RELB: variants seen among roughly 807,000 people sequenced by gnomAD.
The protein encoded by RELB is RELB proto-oncogene, NF-kB subunit, also known as transcription factor RelB.
RELB carries 14 observed loss-of-function variants against 55.4 expected under a neutral mutation model. The ratio of observed to expected loss-of-function variants is 0.25; its 90% confidence interval spans 0.17 to 0.40. The LOEUF (loss-of-function observed/expected upper bound fraction) is 0.40. Ranked by LOEUF, RELB falls within the 10% of genes least tolerant of loss-of-function variation. RELB has a pLI of 1.00. For synonymous variants in RELB, 409 were observed against 371.3 expected (o/e 1.10, Z -1.17); for missense variants, 669 against 830.7 (o/e 0.81, Z 2.39).
chr19:45,001,729 G>C, intron 1 of RELB, 44 bp downstream of exon 1: 2 of 1,280,828 alleles, frequency 1.6e-6, no homozygotes, highest in South Asian at 2.7e-5. Context: ...GGGCGGGGCT[G>C]GAGATGCGGG....
intron 4 of RELB, among the ~76,000 whole-genome samples, chr19:45,015,212 G>T (rs992453558): frequency 6.6e-6 from 1 of 152,110 alleles, no homozygotes; most frequent in African/African-American, 2.4e-5. Flanking sequence ...TTGGATTCAG[G>T]ATGTTTATCC....
chr19:45,026,522 C>T (rs986954406), intron 7 of RELB, among the ~76,000 whole-genome samples: 2 of 150,892 alleles, frequency 1.3e-5, no homozygotes, highest in Non-Finnish European at 2.9e-5. Context: ...CCAGCCTGGG[C>T]AATGGAGAGG....
rs36088840 is a variant in RELB, at chr19:45,022,774, G to C, written c.662+564G>C. Among the ~76,000 whole-genome samples, 1,440 of 152,058 alleles carry C rather than the reference G, an allele frequency of 9.5e-3. 32 individuals carry two copies. The highest frequency in any genetic ancestry group is 0.032 in the African/African-American group (1,343 of 41,490). On this transcript the variant is annotated intron_variant, in intron 5 of 11. Coordinates refer to ENST00000221452, the MANE Select transcript of RELB (RefSeq NM_006509.4). ...ATGTTGACCAGGCTGGTCTCGAACT[G>C]CTGACCTTAGGTGATCCTCCCAGCT...
chr19:45,032,810 G>A, intron 9 of RELB, 61 bp downstream of exon 9: 1 of 1,398,448 alleles, frequency 7.2e-7, no homozygotes. Flanking sequence ...GCCTTGGGGA[G>A]ACCCCAGTGG....
At chr19:45,007,283 C>T (rs1322094855) in intron 2 of RELB, among the ~76,000 whole-genome samples, 1 of 152,168 alleles carries the variant, frequency 6.6e-6, no homozygotes, top group Non-Finnish European at 1.5e-5. Flanking sequence ...GGAGGCACTG[C>T]TATTTGAGCA....
rs567583811 is a variant in RELB at position 45,024,316 on chromosome 19, C to T, written c.663-1013C>T. 4.0e-5 allele frequency among the ~76,000 whole-genome samples: 6 copies of T among 151,866 alleles called. No individual in the cohort carries two copies. The South Asian group carries it at 1.2e-3, about 32-fold the overall frequency. On this transcript the variant is annotated intron_variant, in intron 5 of 11. Coordinates refer to ENST00000221452, the MANE Select transcript of RELB (RefSeq NM_006509.4). ...AGCTGGGACTACAGGCACCCGCCAC[C>T]ATGCCTGGCTAATTTTTTTGTATTT...
At chr19:45,015,734 CAA>C (rs768567865) in intron 4 of RELB, among the ~76,000 whole-genome samples, 1 of 73,448 alleles carries the variant, frequency 1.4e-5, no homozygotes, top group Non-Finnish European at 2.7e-5. Context: ...GATGCTATCT[CAA>C]AAAAAAAAAA....
intron 4 of RELB, among the ~76,000 whole-genome samples, chr19:45,018,833 C>T (rs57704603): frequency 0.13 from 19,567 of 151,492 alleles, 1,447 homozygotes; most frequent in East Asian, 0.28. Flanking sequence ...TGTGCCACCA[C>T]GCCCTGCTAA....
At chr19:45,007,117 C>T (rs1485509252) in intron 2 of RELB, among the ~76,000 whole-genome samples, 1 of 152,000 alleles carries the variant, frequency 6.6e-6, no homozygotes, top group Non-Finnish European at 1.5e-5. Context: ...GAAGTCACGC[C>T]ATGCAAAGAA....
intron 8 of RELB, among the ~76,000 whole-genome samples, chr19:45,032,033 C>T (rs759628632): frequency 2.6e-4 from 40 of 151,584 alleles, no homozygotes; most frequent in South Asian, 6.3e-4. Flanking sequence ...GTCAGGAGAG[C>T]GAGACCATCC....
At chr19:45,019,018 T>G (rs948755224) in intron 4 of RELB, among the ~76,000 whole-genome samples, 1 of 152,124 alleles carries the variant, frequency 6.6e-6, no homozygotes, top group Non-Finnish European at 1.5e-5. Context: ...GCTGTGTCTC[T>G]CATTCTGTCT....
chr19:45,025,512 C>A, intron 6 of RELB, 92 bp downstream of exon 6: 3 of 1,568,310 alleles, frequency 1.9e-6, no homozygotes, highest in Admixed American at 3.6e-5. Context: ...CCAGGCCCCA[C>A]CGTCTCCTCC....
In RELB at chr19:45,037,774, G is replaced by A; in HGVS notation, c.1724G>A (p.Gly575Glu). 1 of 1,486,074 alleles carries A rather than the reference G, an allele frequency of 6.7e-7. No individual in the cohort carries two copies. Among genetic ancestry groups the A allele is most frequent in the Non-Finnish European group, 8.9e-7 (1 of 1,121,120 alleles). The allele number at this position is 1,486,074 out of a possible 1,614,324, so 92.1% of individuals were successfully genotyped here. ...AAFGGGLLSP[G>E]PEAT Reference sequence around the variant, plus strand: ...TTTGGGGGCGGCCTCCTATCCCCGGGGCCTGAAGCCACGTAGCCCCGCGAT... The same window carrying A: ...TTTGGGGGCGGCCTCCTATCCCCGGAGCCTGAAGCCACGTAGCCCCGCGAT... The change falls in exon 12 of 12, where the codon GGG (glycine) becomes GAG (glutamate). Residue 575 changes from glycine (G) to glutamate (E), a missense_variant. Gly to Glu is a moderately conservative substitution (Grantham distance 98). Coordinates refer to ENST00000221452, the MANE Select transcript of RELB (RefSeq NM_006509.4).
chr19:45,019,741 G>C (rs1189299209), intron 4 of RELB, among the ~76,000 whole-genome samples: 1 of 150,880 alleles, frequency 6.6e-6, no homozygotes, highest in Non-Finnish European at 1.5e-5. Context: ...GCAATGGCAC[G>C]ATCTGGGCCC....
chr19:45,025,296 AG>A lies in RELB; in HGVS notation c.663-32del, dbSNP rs774649432. 5 of 1,510,462 alleles carry A rather than the reference AG, an allele frequency of 3.3e-6. No individual in the cohort carries two copies. The African/African-American group carries it at 6.9e-5, about 21-fold the overall frequency. The allele number at this position is 1,510,462 out of a possible 1,614,324, so 93.6% of individuals were successfully genotyped here. A position where few individuals can be genotyped will look rare whatever the true frequency, so the allele number is the denominator to read the frequency against. Reference sequence around the variant, plus strand: ...TTAGGGCCACACTTGCCTGCTCACGAGCACTCCTCTCCCTCCCCCGTCACCC... The same window carrying A: ...TTAGGGCCACACTTGCCTGCTCACGACACTCCTCTCCCTCCCCCGTCACCC... On this transcript the variant is annotated intron_variant, in intron 5 of 11. Coordinates refer to ENST00000221452, the MANE Select transcript of RELB (RefSeq NM_006509.4).
At position 45,037,531 on chromosome 19, in the gene RELB, C is replaced by T. The variant is rs199555394; in HGVS notation, c.1481C>T (p.Thr494Met). The change falls in exon 12 of 12, where the codon ACG becomes ATG. Residue 494 changes from threonine (T) to methionine (M), a missense_variant. By Grantham distance (81) the Thr-to-Met change is moderately conservative. This residue lies in a region of RELB where 341 missense variants were observed against 436.8 expected (regional missense o/e 0.78). Coordinates refer to ENST00000221452, the MANE Select transcript of RELB (RefSeq NM_006509.4). ...LLDDGFAYDP[T>M]APTLFTMLDL... ...GACGATGGCTTTGCCTACGACCCTA[C>T]GGCCCCCACACTCTTCACCATGCTG... is the stretch of plus-strand genomic sequence containing the variant. 8.9e-4 allele frequency: 1,433 copies of T among 1,613,160 alleles called. 2 individuals carry two copies. The highest frequency in any genetic ancestry group is 1.1e-3 in the Non-Finnish European group (1,285 of 1,179,724).
chr19:45,036,083 CTT>C (rs1475785106), intron 11 of RELB, among the ~76,000 whole-genome samples: 1 of 151,358 alleles, frequency 6.6e-6, no homozygotes, highest in African/African-American at 2.4e-5. Flanking sequence ...GAGAGTCCCT[CTT>C]TTTTTTTGAG....
intron 1 of RELB, among the ~76,000 whole-genome samples, chr19:45,002,288 A>G (rs1971222468): frequency 6.6e-6 from 1 of 151,982 alleles, no homozygotes; most frequent in East Asian, 1.9e-4. Flanking sequence ...GGAGAAGCGG[A>G]GCCTTGACAT....
chr19:45,001,860 G>C (rs1253879320), intron 1 of RELB, among the ~76,000 whole-genome samples, 175 bp downstream of exon 1: 1 of 152,186 alleles, frequency 6.6e-6, no homozygotes, highest in Non-Finnish European at 1.5e-5. Context: ...AGGGTGATGA[G>C]GGGGTACGGC....
Sources: allele counts gnomAD v4.1 joint callset (sites outside exome capture counted in the v4.1 genomes callset), GRCh38; gene constraint gnomAD v4.1.1; regional missense constraint gnomAD v4.1.1; transcripts MANE v1.5; gene names NCBI Gene and HGNC (gene_info 2026-07-23, HGNC 2026-07-21).